Variants in GAS7 observed in about 807,000 individuals in gnomAD.
The protein encoded by GAS7 is growth arrest specific 7, also known as growth arrest-specific protein 7.
In GAS7, 28 loss-of-function variants were observed where a neutral mutation model predicts 71.1. The observed-to-expected ratio is 0.39, with a 90% CI of 0.29 to 0.54. The LOEUF is 0.54. GAS7 is among the 20% of genes least tolerant of loss of function. The pLI, the probability that GAS7 is intolerant of heterozygous loss-of-function variation, is 0.62. For missense variants in GAS7, 436 were observed against 627.8 expected, an observed-to-expected ratio of 0.69 and a Z score of 3.27; for synonymous variants, 258 against 245.8, an observed-to-expected ratio of 1.05 and a Z score of -0.46.
intron 1 of GAS7, among the ~76,000 whole-genome samples, chr17:10,061,897 T>C (rs1414711949): frequency 1.3e-5 from 2 of 152,136 alleles, no homozygotes; most frequent in Non-Finnish European, 1.5e-5. Flanking sequence ...GGGCGCTTTT[T>C]CCCCAGGGGC....
At chr17:10,139,426 G>C (rs747783290) in intron 1 of GAS7, among the ~76,000 whole-genome samples, 1 of 152,194 alleles carries the variant, frequency 6.6e-6, no homozygotes, top group Non-Finnish European at 1.5e-5. Context: ...AAAGGTCTGA[G>C]ATTTCTTATC....
chr17:9,951,186 T>C (rs953035940), intron 5 of GAS7, among the ~76,000 whole-genome samples: 6 of 152,252 alleles, frequency 3.9e-5, no homozygotes, highest in Non-Finnish European at 8.8e-5. Flanking sequence ...ATTATTCTTA[T>C]TTCAACAAAT....
intron 1 of GAS7, among the ~76,000 whole-genome samples, chr17:10,192,396 A>T (rs1362106895): frequency 6.6e-6 from 1 of 152,206 alleles, no homozygotes; most frequent in East Asian, 1.9e-4. Context: ...AAAATACCTT[A>T]CATGTACACA....
chr17:9,949,427 C>T (rs2068916344), intron 5 of GAS7, among the ~76,000 whole-genome samples: 1 of 152,194 alleles, frequency 6.6e-6, no homozygotes, highest in Admixed American at 6.6e-5. Context: ...GCCCAACAAA[C>T]TCTTCTGTCA....
chr17:10,096,099 G>A lies in GAS7; in HGVS notation c.184-76202C>T, dbSNP rs921918617. On this transcript the variant is annotated intron_variant, in intron 1 of 13. Transcript: ENST00000432992. The stretch of plus-strand genomic sequence containing the variant: ...CTCTGCAGATCACTCCCAAGTCTGC[G>A]CCAAGGCCCCAACTTGTCTGATAAA... Among the ~76,000 whole-genome samples, 17 of 152,024 alleles carry A rather than the reference G, an allele frequency of 1.1e-4. No individual in the cohort carries two copies. In the East Asian group the frequency reaches 1.5e-3, roughly 14 times the overall value.
intron 9 of GAS7, among the ~76,000 whole-genome samples, chr17:9,928,545 C>G (rs138380079): frequency 1.5e-3 from 232 of 152,276 alleles, no homozygotes; most frequent in African/African-American, 5.1e-3. Context: ...AACCTATGAC[C>G]ACCCCACCAC....
rs557511071 is a variant in GAS7, at chr17:10,126,755, G to C, written c.183+71453C>G. On this transcript the variant is annotated intron_variant, in intron 1 of 13. Transcript: ENST00000432992. ...TTGAGGGTTAGGAGCCAGTCCCAGC[G>C]TGGGGCACGGGGAAGAGACTATGCT... 1.7e-4 allele frequency among the ~76,000 whole-genome samples: 26 copies of C among 152,338 alleles called. 1 individual carries two copies. The highest frequency in any genetic ancestry group is 6.3e-4 in the African/African-American group (26 of 41,570).
chr17:10,105,950 C>T (rs547521228), intron 1 of GAS7, among the ~76,000 whole-genome samples: 5 of 152,238 alleles, frequency 3.3e-5, no homozygotes, highest in Non-Finnish European at 7.4e-5. Context: ...TATTTCCTCT[C>T]GAGTCTCTCA....
intron 3 of GAS7, among the ~76,000 whole-genome samples, chr17:9,975,173 G>A (rs1176395965): frequency 6.6e-6 from 1 of 152,110 alleles, no homozygotes; most frequent in East Asian, 1.9e-4. Flanking sequence ...TGCCTAACAT[G>A]GTGAAACCCC....
At chr17:9,957,573 A>ACC (rs1221525764) in intron 5 of GAS7, among the ~76,000 whole-genome samples, 1 of 145,134 alleles carries the variant, frequency 6.9e-6, no homozygotes, top group African/African-American at 2.6e-5. Flanking sequence ...TCCCACTCCG[A>ACC]CCTCCCCCCC....
At position 9,981,856 on chromosome 17, in the gene GAS7, A is replaced by C. The variant is rs766366182; in HGVS notation, c.333T>G (p.Ser111=). 1.2e-6 allele frequency: 2 copies of C among 1,604,408 alleles called. No individual in the cohort carries two copies. The highest frequency in any genetic ancestry group is 3.3e-5 in the Admixed American group (2 of 60,024). Residue 111 remains serine (S), a synonymous_variant, in exon 3 of 14, where the codon TCT becomes TCG. Coordinates refer to ENST00000432992, the MANE Select transcript of GAS7 (RefSeq NM_201433.2). The surrounding 1 kb of genome is among the most constrained non-coding windows in gnomAD (Gnocchi z 4.4). ...NETTWERPSS[S]PGIPASPGSH... ...AGCCAGGGCTGGCTGGAATCCCAGG[A>C]GAACTGCTGGGACGTTCCCAGGTGG... is the stretch of plus-strand genomic sequence containing the variant.
intron 1 of GAS7, among the ~76,000 whole-genome samples, chr17:10,141,700 T>G (rs4791386): frequency 1.3e-5 from 2 of 152,078 alleles, no homozygotes; most frequent in Non-Finnish European, 2.9e-5. Context: ...TAAATGGCCT[T>G]GGGCAAGTTC....
At chr17:10,112,936 C>G (rs1301486296) in intron 1 of GAS7, among the ~76,000 whole-genome samples, 2 of 152,032 alleles carry the variant, frequency 1.3e-5, no homozygotes, top group Non-Finnish European at 2.9e-5. Flanking sequence ...AGGATTCTTT[C>G]CCTTAAGATC....
chr17:10,119,597 C>T (rs1270985319), intron 1 of GAS7, among the ~76,000 whole-genome samples: 4 of 152,202 alleles, frequency 2.6e-5, no homozygotes, highest in South Asian at 2.1e-4. Flanking sequence ...CCCAACACAC[C>T]ACACCCTGAG....
At chr17:10,146,157 G>C (rs1567609786) in intron 1 of GAS7, among the ~76,000 whole-genome samples, 2 of 152,298 alleles carry the variant, frequency 1.3e-5, no homozygotes, top group Middle Eastern at 3.4e-3. Context: ...AAGGCACCCT[G>C]AACTTCCACA....
chr17:10,096,638 T>C (rs1403002057), intron 1 of GAS7, among the ~76,000 whole-genome samples: 1 of 152,132 alleles, frequency 6.6e-6, no homozygotes, highest in Non-Finnish European at 1.5e-5. Context: ...CCCAGTCAAT[T>C]CAGAACCAGC....
chr17:9,932,262 T>G (rs2068237911), intron 9 of GAS7, among the ~76,000 whole-genome samples: 1 of 141,808 alleles, frequency 7.1e-6, no homozygotes, highest in Admixed American at 7.3e-5. Flanking sequence ...TGGCGTGAAC[T>G]CGGCTCACTG....
chr17:10,126,924 T>C (rs1231260769), intron 1 of GAS7, among the ~76,000 whole-genome samples: 2 of 152,062 alleles, frequency 1.3e-5, no homozygotes, highest in African/African-American at 4.8e-5. Flanking sequence ...CCCTAGAGAG[T>C]CCTGGTATCC....
At chr17:10,136,578 C>T (rs1014947988) in intron 1 of GAS7, among the ~76,000 whole-genome samples, 5 of 152,174 alleles carry the variant, frequency 3.3e-5, no homozygotes, top group African/African-American at 1.2e-4. Context: ...GACTCAAATC[C>T]TCCACATGAC....
Sources: allele counts gnomAD v4.1 joint callset (sites outside exome capture counted in the v4.1 genomes callset), GRCh38; gene constraint gnomAD v4.1.1; non-coding constraint Gnocchi (gnomAD v3.1); transcripts MANE v1.5; gene names NCBI Gene and HGNC (gene_info 2026-07-23, HGNC 2026-07-21).